NIPBL: variants seen among roughly 807,000 people sequenced by gnomAD.
NIPBL encodes the protein NIPBL cohesin loading factor.
In NIPBL, 19 loss-of-function variants were observed where a neutral mutation model predicts 321.8. The observed-to-expected ratio is 0.06, with a 90% confidence interval of 0.04 to 0.09. The LOEUF (loss-of-function observed/expected upper bound fraction) is 0.09. Ranked by LOEUF, NIPBL falls within the 10% of genes least tolerant of loss-of-function variation. NIPBL has a pLI of 1.00. For missense variants in NIPBL, 2,210 were observed against 3,327.0 expected, an observed-to-expected ratio of 0.66 and a Z score of 8.26; for synonymous variants, 1,106 against 1,114.1, an observed-to-expected ratio of 0.99 and a Z score of 0.14.
At chr5:36,931,305 C>A (rs1393364035) in intron 1 of NIPBL, among the ~76,000 whole-genome samples, 1 of 151,422 alleles carries the variant, frequency 6.6e-6, no homozygotes, top group East Asian at 1.9e-4. Context: ...AGTTAATATT[C>A]CCTTTTAATT....
intron 21 of NIPBL, among the ~76,000 whole-genome samples, chr5:37,014,171 C>T (rs1346798460): frequency 2.3e-4 from 35 of 152,064 alleles, no homozygotes; most frequent in Middle Eastern, 3.4e-3. Context: ...CGTCCAGCTT[C>T]GGCTCGGCAT....
rs144711711 is a variant in NIPBL, at chr5:36,939,708, C to T, written c.-79-13910C>T. ...TCAAGATTGAGGGGCCCACATCTGA[C>T]GAGGACCTTCTTGCTGTGTCATCCC... On this transcript the variant is annotated intron_variant, in intron 1 of 46. Transcript: ENST00000282516. Among the ~76,000 whole-genome samples, 228 of 152,266 alleles carry T rather than the reference C, an allele frequency of 1.5e-3. 1 individual carries two copies. The highest frequency in any genetic ancestry group is 5.0e-3 in the African/African-American group (208 of 41,552).
chr5:36,982,494 T>C (rs866512479), intron 9 of NIPBL, among the ~76,000 whole-genome samples: 1 of 151,832 alleles, frequency 6.6e-6, no homozygotes, highest in Non-Finnish European at 1.5e-5. Flanking sequence ...TTTTCAGTAG[T>C]TGAACGATTA....
At chr5:36,880,157 A>C (rs945682206) in intron 1 of NIPBL, among the ~76,000 whole-genome samples, 1 of 151,950 alleles carries the variant, frequency 6.6e-6, no homozygotes, top group Non-Finnish European at 1.5e-5. Context: ...CCAATACAAA[A>C]TTTTCTTTAC....
intron 4 of NIPBL, 70 bp from the exon 5 acceptor site, chr5:36,961,414 A>T: frequency 1.1e-6 from 1 of 928,362 alleles, no homozygotes; most frequent in South Asian, 1.3e-5. Context: ...AGAATAACTG[A>T]TTTCAGTTAT....
intron 1 of NIPBL, among the ~76,000 whole-genome samples, chr5:36,891,254 A>G (rs946922848): frequency 1.3e-5 from 2 of 152,054 alleles, no homozygotes; most frequent in Non-Finnish European, 2.9e-5. Context: ...AAAGAGCGAG[A>G]CTCCATCTCA....
Position 37,036,413 on chromosome 5 carries a change from C to T in NIPBL, c.5897C>T (p.Pro1966Leu). 1 of 1,430,202 alleles carries T rather than the reference C, an allele frequency of 7.0e-7. No individual in the cohort carries two copies. 88.6% of individuals were successfully genotyped at this position (1,430,202 alleles called of 1,614,324 possible). A position where few individuals can be genotyped will look rare whatever the true frequency, so the allele number is the denominator to read the frequency against. ...LKSEEDSSYKPVKKACTQLVD... is the reference protein window; with the variant it reads ...LKSEEDSSYKLVKKACTQLVD... ...TCCGAAGAGGATTCCTCATATAAAC[C>T]TGTGAAGAAAGCTTGTACTCAACTT... The change falls in exon 33 of 47, where the codon CCT becomes CTT. Residue 1966 changes from proline (P) to leucine (L), a missense_variant. Pro to Leu is a moderately conservative substitution (Grantham distance 98). Transcript: ENST00000282516.
chr5:37,061,078 G>C, intron 45 of NIPBL, 60 bp downstream of exon 45: 1 of 1,291,860 alleles, frequency 7.7e-7, no homozygotes, highest in Non-Finnish European at 1.1e-6. Context: ...AAGTAAATGT[G>C]GGGGGCCGGT....
intron 1 of NIPBL, among the ~76,000 whole-genome samples, chr5:36,916,706 G>A (rs1178595491): frequency 6.6e-6 from 1 of 151,670 alleles, no homozygotes; most frequent in Admixed American, 6.6e-5. Context: ...CGTGTCCAAG[G>A]GTTCCCATTG....
At chr5:36,927,815 T>C (rs1379673902) in intron 1 of NIPBL, among the ~76,000 whole-genome samples, 6 of 152,216 alleles carry the variant, frequency 3.9e-5, no homozygotes, top group South Asian at 2.1e-4. Flanking sequence ...TTAATATATA[T>C]AGTGTTTAAA....
intron 21 of NIPBL, among the ~76,000 whole-genome samples, chr5:37,011,219 A>G (rs1748080153): frequency 6.6e-6 from 1 of 152,200 alleles, no homozygotes; most frequent in Admixed American, 6.5e-5. Context: ...AGAGCCAAGC[A>G]TATGTGTGTA....
intron 44 of NIPBL, among the ~76,000 whole-genome samples, chr5:37,059,828 A>G (rs908030272): frequency 1.7e-4 from 26 of 152,200 alleles, no homozygotes; most frequent in African/African-American, 5.5e-4. Context: ...GTAGAACTCA[A>G]ATAGTATTTA....
At chr5:37,010,873 G>A (rs1245860785) in intron 21 of NIPBL, among the ~76,000 whole-genome samples, 1 of 152,136 alleles carries the variant, frequency 6.6e-6, no homozygotes, top group Admixed American at 6.5e-5. Flanking sequence ...TGCATGTTGA[G>A]TATCCCTGAT....
chr5:36,927,976 C>T (rs1468441617), intron 1 of NIPBL, among the ~76,000 whole-genome samples: 2 of 151,932 alleles, frequency 1.3e-5, no homozygotes, highest in Non-Finnish European at 2.9e-5. Flanking sequence ...GCCACCATGC[C>T]CGGCTGCAGT....
At chr5:36,879,107 G>A (rs1296590266) in intron 1 of NIPBL, among the ~76,000 whole-genome samples, 2 of 152,140 alleles carry the variant, frequency 1.3e-5, no homozygotes, top group African/African-American at 2.4e-5. Context: ...TGTTTAAAAG[G>A]CCTTCATATA....
chr5:36,984,911 T>C lies in NIPBL; in HGVS notation c.1731T>C (p.Pro577=). 1 of 1,613,920 alleles carries C rather than the reference T, an allele frequency of 6.2e-7. No individual in the cohort carries two copies. The highest frequency in any genetic ancestry group is 2.2e-5 in the East Asian group (1 of 44,876). Residue 577 remains proline (P), a synonymous_variant, in exon 10 of 47, where the codon CCT becomes CCC. Coordinates refer to ENST00000282516, the MANE Select transcript of NIPBL (RefSeq NM_133433.4). The stretch of plus-strand genomic sequence containing the variant: ...AAATCAAACAATGTAATGATGCACC[T>C]GTTTCTGTTCTTCAGGAAGATATTG... ...PEEIKQCNDA[P]VSVLQEDIVG...
At chr5:36,966,191 A>G (rs923201794) in intron 6 of NIPBL, among the ~76,000 whole-genome samples, 1 of 152,054 alleles carries the variant, frequency 6.6e-6, no homozygotes. Context: ...ATTGCATTTG[A>G]TTTTTACATC....
chr5:36,908,898 A>G (rs2149543057), intron 1 of NIPBL, among the ~76,000 whole-genome samples: 1 of 152,390 alleles, frequency 6.6e-6, no homozygotes, highest in South Asian at 2.1e-4. Flanking sequence ...ATACCATGTT[A>G]CATGAACATA....
chr5:36,945,461 G>T (rs1320566734), intron 1 of NIPBL, among the ~76,000 whole-genome samples: 1 of 152,008 alleles, frequency 6.6e-6, no homozygotes, highest in Admixed American at 6.6e-5. Flanking sequence ...TTACTTAGTG[G>T]TAACTTTTCT....
Sources: gnomAD v4.1 joint callset for allele counts (sites outside exome capture counted in the v4.1 genomes callset) on GRCh38, gnomAD v4.1.1 for gene constraint, MANE v1.5 for transcripts, NCBI Gene and HGNC (gene_info 2026-07-23, HGNC 2026-07-21) for gene names.